ANKRD28: variants seen among roughly 807,000 people sequenced by gnomAD.
ANKRD28 encodes the protein serine/threonine-protein phosphatase 6 regulatory ankyrin repeat subunit A.
ANKRD28 carries 44 observed loss-of-function variants against 126.5 expected under a neutral mutation model. That is an observed-to-expected ratio of 0.35 (90% CI 0.27 to 0.45). The LOEUF is 0.45. Among genes scored for constraint, ANKRD28 ranks in the 20% least tolerant of loss-of-function variants. The pLI is 1.00. For missense variants in ANKRD28, 1,110 were observed against 1,316.6 expected, an observed-to-expected ratio of 0.84 and a Z score of 2.43; for synonymous variants, 442 against 468.5, an observed-to-expected ratio of 0.94 and a Z score of 0.73.
chr3:15,757,786 C>T (rs562998419), intron 3 of ANKRD28, among the ~76,000 whole-genome samples: 2 of 152,112 alleles, frequency 1.3e-5, no homozygotes, highest in African/African-American at 2.4e-5. Flanking sequence ...TATGGCAGCC[C>T]GAAAGGACTA....
chr3:15,764,824 G>A (rs2058666229), intron 3 of ANKRD28, among the ~76,000 whole-genome samples: 1 of 152,110 alleles, frequency 6.6e-6, no homozygotes. Context: ...AAGTACATCA[G>A]CGGTGAAATT....
At position 15,721,139 on chromosome 3, in the gene ANKRD28, GA is replaced by G. The variant is rs749467646; in HGVS notation, c.784-13del. The G allele has an allele frequency of 1.6e-5, 26 of 1,590,946 alleles. No homozygotes were observed. The highest frequency in any genetic ancestry group is 1.2e-4 in the African/African-American group (9 of 73,678). ...TTTGGTTCATTCATCTATTAGAAGG[GA>G]AAAAAATGCGAATGTTAAAGTAGTT... On this transcript the variant is annotated splice_polypyrimidine_tract_variant and intron_variant, in intron 7 of 27. Coordinates refer to ENST00000683139, the MANE Select transcript of ANKRD28 (RefSeq NM_001349278.2).
At chr3:15,684,921 C>G (rs1380922701) in intron 21 of ANKRD28, 3 of 279,222 alleles carry the variant, frequency 1.1e-5, no homozygotes, top group Non-Finnish European at 2.1e-5. Context: ...GCCAGGAGTT[C>G]AAGACCAGCC....
chr3:15,804,262 T>C (rs1349538365), intron 1 of ANKRD28, among the ~76,000 whole-genome samples: 1 of 145,336 alleles, frequency 6.9e-6, no homozygotes, highest in African/African-American at 2.6e-5. Context: ...AAGGCCGAGA[T>C]ATAGACTATA....
At chr3:15,792,689 T>A (rs2060088257) in intron 2 of ANKRD28, among the ~76,000 whole-genome samples, 1 of 152,176 alleles carries the variant, frequency 6.6e-6, no homozygotes, top group Non-Finnish European at 1.5e-5. Context: ...TTGTATATTT[T>A]AAAATAACTT....
At chr3:15,766,148 G>T in intron 3 of ANKRD28, 86 bp downstream of exon 3, 1 of 978,158 alleles carries the variant, frequency 1.0e-6, no homozygotes, top group Non-Finnish European at 1.5e-6. Flanking sequence ...AACAGGCCAT[G>T]CAGTAAATAG....
intron 16 of ANKRD28, 35 bp downstream of exon 16, chr3:15,695,153 T>C (rs372536153): frequency 5.2e-6 from 8 of 1,541,748 alleles, no homozygotes; most frequent in Non-Finnish European, 7.1e-6. Flanking sequence ...AACTGACCAA[T>C]ACTAATTGGT....
chr3:15,731,535 C>T (rs1466795925), intron 6 of ANKRD28, among the ~76,000 whole-genome samples: 1 of 152,138 alleles, frequency 6.6e-6, no homozygotes, highest in East Asian at 1.9e-4. Context: ...TGGCTATTAC[C>T]TTCAATTAAC....
chr3:15,695,425 G>A (rs758502803), intron 15 of ANKRD28, among the ~76,000 whole-genome samples: 2 of 152,020 alleles, frequency 1.3e-5, no homozygotes, highest in Admixed American at 6.6e-5. Context: ...TATCCATAAC[G>A]TAGGAAAATA....
rs886091589 is a variant in ANKRD28 at position 15,705,079 on chromosome 3, T to C, written c.1547+2845A>G. Among the ~76,000 whole-genome samples the C allele has an allele frequency of 2.3e-4, 35 of 152,310 alleles. 5 individuals carry two copies. Among genetic ancestry groups the C allele is most frequent in the Admixed American group, 9.8e-4 (15 of 15,300 alleles). On this transcript the variant is annotated intron_variant, in intron 14 of 27. Coordinates refer to ENST00000683139, the MANE Select transcript of ANKRD28 (RefSeq NM_001349278.2). ...CAGTATGGAAACTCCAAGATTTAAATTGGGTCTTTCGGATCCCAAGTATCA... is the reference window on the plus strand; with the variant it reads ...CAGTATGGAAACTCCAAGATTTAAACTGGGTCTTTCGGATCCCAAGTATCA...
intron 2 of ANKRD28, among the ~76,000 whole-genome samples, chr3:15,784,869 T>C (rs941916785): frequency 6.6e-6 from 1 of 152,108 alleles, no homozygotes; most frequent in African/African-American, 2.4e-5. Flanking sequence ...TCTCCCCAAC[T>C]AGAAAACAAT....
In ANKRD28 at chr3:15,670,696, T is replaced by A. The variant is rs183050571; in HGVS notation, c.2966-140A>T. ...TAATAAATTGCTGTAACCAGCATGA[T>A]TCGCAAGTTTCTAATAAGTAGAAAA... On this transcript the variant is annotated intron_variant, in intron 27 of 27. Coordinates refer to ENST00000683139, the MANE Select transcript of ANKRD28 (RefSeq NM_001349278.2). 8.9e-4 allele frequency: 788 copies of A among 881,288 alleles called. 2 individuals are homozygous for A. The highest frequency in any genetic ancestry group is 6.0e-3 in the East Asian group (224 of 37,528). The allele number at this position is 881,288 out of a possible 1,614,324, so 54.6% of individuals were successfully genotyped here.
In ANKRD28 at chr3:15,724,410, A is replaced by G. The variant is rs2074009355; in HGVS notation, c.755T>C (p.Val252Ala). 1 of 1,607,118 alleles carries G rather than the reference A, an allele frequency of 6.2e-7. No individual in the cohort carries two copies. The highest frequency in any genetic ancestry group is 8.5e-7 in the Non-Finnish European group (1 of 1,176,476). The change falls in exon 7 of 28, where the codon GTC becomes GCC. Residue 252 changes from valine (V) to alanine (A), a missense_variant. Transcript: ENST00000683139. ...AAASSGMISVVKYLLDLGVDM... is the reference protein window; with the variant it reads ...AAASSGMISVAKYLLDLGVDM... ...AACTCCAAGATCTAGAAGGTACTTG[A>G]CTACGCTGATCATTCCACTAGAGGC... is the stretch of plus-strand genomic sequence containing the variant.
At chr3:15,852,784 G>A (rs1309769270) in intron 1 of ANKRD28, among the ~76,000 whole-genome samples, 2 of 129,536 alleles carry the variant, frequency 1.5e-5, no homozygotes, top group African/African-American at 5.8e-5. Context: ...AGTGAGCTGA[G>A]ATTGTGCCAC....
In ANKRD28 at chr3:15,668,820, T is replaced by C. The variant is rs949262575; in HGVS notation, c.*1450A>G. The stretch of plus-strand genomic sequence containing the variant: ...AGAAAAACCAGCTGATAATTTACAA[T>C]GTCATAAAGTTTCCAGTTTCACAAT... On this transcript the variant is annotated 3_prime_UTR_variant, in exon 28 of 28. Coordinates refer to ENST00000683139, the MANE Select transcript of ANKRD28 (RefSeq NM_001349278.2). 2.0e-5 allele frequency: 3 copies of C among 152,658 alleles called. No individual in the cohort carries two copies. The highest frequency in any genetic ancestry group is 7.2e-5 in the African/African-American group (3 of 41,466). The allele number at this position is 152,658 out of a possible 1,614,324, so 9.5% of individuals were successfully genotyped here.
At chr3:15,772,688 T>C (rs946762400) in intron 2 of ANKRD28, among the ~76,000 whole-genome samples, 4 of 152,204 alleles carry the variant, frequency 2.6e-5, no homozygotes, top group Non-Finnish European at 4.4e-5. Flanking sequence ...AAATTATTTA[T>C]TTATTCATTT....
rs2068079628 is a variant in ANKRD28, at chr3:15,685,991, T to C, written c.2169+11A>G. On this transcript the variant is annotated intron_variant, in intron 20 of 27. Transcript: ENST00000683139. ...AAGCTTTTTGAAAGGAAAGAGCATA[T>C]TTCTGCTTACCCCTCTATGCAACGC... 1.2e-6 allele frequency: 2 copies of C among 1,607,462 alleles called. No homozygotes were observed. Among genetic ancestry groups the C allele is most frequent in the African/African-American group, 2.7e-5 (2 of 74,818 alleles).
At position 15,770,429 on chromosome 3, in the gene ANKRD28, T is replaced by TA. The variant is rs201028191; in HGVS notation, c.202-4118_202-4117insT. 4.7e-5 allele frequency among the ~76,000 whole-genome samples: 7 copies of TA among 150,208 alleles called. No individual in the cohort carries two copies. The South Asian group carries it at 1.3e-3, about 27-fold the overall frequency. On this transcript the variant is annotated intron_variant, in intron 2 of 27. Transcript: ENST00000683139. ...ATATATATACATATATATATATATA[T>TA]TAGATAGCATTACTGGGTACAGAAA...
intron 2 of ANKRD28, among the ~76,000 whole-genome samples, chr3:15,793,783 T>C (rs564010404): frequency 6.6e-6 from 1 of 152,290 alleles, no homozygotes; most frequent in Admixed American, 6.5e-5. Context: ...AAATAAATCA[T>C]GGCCCGGCAC....
Sources: gnomAD v4.1 joint callset for allele counts (sites outside exome capture counted in the v4.1 genomes callset) on GRCh38, gnomAD v4.1.1 for gene constraint, MANE v1.5 for transcripts, NCBI Gene and HGNC (gene_info 2026-07-23, HGNC 2026-07-21) for gene names.